PCDH15: variants seen among roughly 807,000 people sequenced by gnomAD.
PCDH15 encodes the protein protocadherin-15.
PCDH15 carries 129 observed loss-of-function variants against 178.5 expected under a neutral mutation model. The observed-to-expected ratio is 0.72, with a 90% CI of 0.63 to 0.84. The LOEUF is 0.84. Ranked by LOEUF, PCDH15 falls within the 40% of genes least tolerant of loss-of-function variation. The pLI is 0.00. For missense variants in PCDH15, 2,230 were observed against 2,099.9 expected, an observed-to-expected ratio of 1.06 and a Z score of -1.21; for synonymous variants, 800 against 732.0, an observed-to-expected ratio of 1.09 and a Z score of -1.50.
intron 2 of PCDH15, among the ~76,000 whole-genome samples, chr10:55,041,340 T>G (rs752987593): frequency 3.5e-4 from 54 of 152,262 alleles, no homozygotes; most frequent in Middle Eastern, 3.4e-3. Context: ...TCTACATCCT[T>G]TAAGGAAATT....
chr10:54,309,887 C>T lies in PCDH15; in HGVS notation c.876+7384G>A, dbSNP rs374966580. Among the ~76,000 whole-genome samples, 72 of 151,796 alleles carry T rather than the reference C, an allele frequency of 4.7e-4. 4 individuals carry two copies. The South Asian group carries it at 0.015, about 31-fold the overall frequency. ...ACAAAGAAGTTTAAAGAATTCATAG[C>T]GTAGTGAAAGAAAAACATTCATAGT... On this transcript the variant is annotated intron_variant, in intron 8 of 37. Transcript: ENST00000644397.
At chr10:53,907,286 TC>T (rs1400862012) in intron 25 of PCDH15, 1 of 152,110 alleles carries the variant, frequency 6.6e-6, no homozygotes, top group Non-Finnish European at 1.5e-5. Context: ...AAACTTTTTT[TC>T]CATGTTGTAT....
intron 13 of PCDH15, among the ~76,000 whole-genome samples, chr10:54,182,516 T>TGTGC (rs977240125): frequency 2.6e-5 from 4 of 151,710 alleles, no homozygotes; most frequent in Admixed American, 2.6e-4. Flanking sequence ...AGTGTGTGTG[T>TGTGC]GTGTGTGTGT....
At chr10:55,020,451 A>G (rs978618803) in intron 2 of PCDH15, among the ~76,000 whole-genome samples, 3 of 152,038 alleles carry the variant, frequency 2.0e-5, no homozygotes, top group Admixed American at 6.6e-5. Flanking sequence ...CTTTGAAAGC[A>G]TTGGTTAGAT....
chr10:55,368,275 G>A (rs1023753245), intron 2 of PCDH15, among the ~76,000 whole-genome samples: 1 of 151,978 alleles, frequency 6.6e-6, no homozygotes, highest in Non-Finnish European at 1.5e-5. Context: ...ATTTTATATT[G>A]TTTATAAATA....
At chr10:54,105,266 A>T (rs2094891810) in intron 15 of PCDH15, among the ~76,000 whole-genome samples, 1 of 129,792 alleles carries the variant, frequency 7.7e-6, no homozygotes, top group Non-Finnish European at 1.6e-5. Flanking sequence ...AGATATAGAC[A>T]TATAGATGGA....
chr10:54,735,375 C>G (rs577441153), intron 1 of PCDH15, among the ~76,000 whole-genome samples: 1 of 152,076 alleles, frequency 6.6e-6, no homozygotes, highest in East Asian at 1.9e-4. Context: ...CTCTGATGGC[C>G]AGTGATGATG....
intron 1 of PCDH15, among the ~76,000 whole-genome samples, chr10:55,245,019 A>G (rs557958065): frequency 6.6e-6 from 1 of 152,020 alleles, no homozygotes; most frequent in East Asian, 1.9e-4. Context: ...AACCATTGCT[A>G]TCTTTGAAAT....
chr10:54,121,017 C>G (rs1344251706), intron 15 of PCDH15, among the ~76,000 whole-genome samples: 1 of 151,618 alleles, frequency 6.6e-6, no homozygotes, highest in Non-Finnish European at 1.5e-5. Context: ...GGAATATACT[C>G]CAAGATTTAC....
At chr10:54,502,855 G>T (rs1413409069) in intron 3 of PCDH15, among the ~76,000 whole-genome samples, 1 of 151,908 alleles carries the variant, frequency 6.6e-6, no homozygotes, top group Non-Finnish European at 1.5e-5. Context: ...CAGAAAATTA[G>T]CTTTATGAGA....
intron 21 of PCDH15, among the ~76,000 whole-genome samples, chr10:53,968,278 C>G (rs1203498313): frequency 6.6e-6 from 1 of 152,174 alleles, no homozygotes; most frequent in Non-Finnish European, 1.5e-5. Flanking sequence ...TGAGATCGAA[C>G]TGCAAGGCAG....
intron 1 of PCDH15, among the ~76,000 whole-genome samples, chr10:54,753,530 T>C (rs1257157010): frequency 1.3e-5 from 2 of 152,070 alleles, no homozygotes; most frequent in East Asian, 3.9e-4. Flanking sequence ...AAAACTTAAA[T>C]TACATTCTCA....
At chr10:55,253,229 C>T (rs940354296) in intron 1 of PCDH15, among the ~76,000 whole-genome samples, 9 of 125,558 alleles carry the variant, frequency 7.2e-5, no homozygotes, top group Non-Finnish European at 1.1e-4. Flanking sequence ...AGAGTATGTG[C>T]GTGTGTGTGT....
intron 2 of PCDH15, among the ~76,000 whole-genome samples, chr10:55,076,810 C>G (rs957169967): frequency 5.3e-5 from 7 of 132,338 alleles, no homozygotes; most frequent in African/African-American, 2.1e-4. Context: ...TGCTCTGTTG[C>G]CCAGGCTGGA....
intron 2 of PCDH15, among the ~76,000 whole-genome samples, chr10:55,430,189 G>C (rs903784789): frequency 6.6e-6 from 1 of 152,134 alleles, no homozygotes; most frequent in Non-Finnish European, 1.5e-5. Flanking sequence ...TACTCAGGAG[G>C]CACATGTGGG....
chr10:54,964,303 T>C (rs1334899175), intron 2 of PCDH15, among the ~76,000 whole-genome samples: 8 of 152,296 alleles, frequency 5.3e-5, no homozygotes, highest in Admixed American at 2.6e-4. Context: ...GGACTAAACA[T>C]TGCCAGAAGA....
chr10:55,309,554 T>C (rs1478428913), intron 1 of PCDH15, among the ~76,000 whole-genome samples: 1 of 152,124 alleles, frequency 6.6e-6, no homozygotes, highest in Non-Finnish European at 1.5e-5. Flanking sequence ...GATACTTTCT[T>C]TGACATTGTG....
intron 25 of PCDH15, among the ~76,000 whole-genome samples, chr10:53,917,566 G>A (rs866942304): frequency 3.9e-5 from 6 of 152,094 alleles, no homozygotes; most frequent in African/African-American, 1.4e-4. Context: ...ATTGTCACAT[G>A]GGCAGTTTTG....
intron 20 of PCDH15, among the ~76,000 whole-genome samples, chr10:54,008,092 G>A (rs951157619): frequency 2.6e-5 from 4 of 152,124 alleles, no homozygotes; most frequent in African/African-American, 9.7e-5. Flanking sequence ...TATCAGAAAA[G>A]AGGAAAGCAA....
Sources: allele counts gnomAD v4.1 joint callset (sites outside exome capture counted in the v4.1 genomes callset), GRCh38; gene constraint gnomAD v4.1.1; transcripts MANE v1.5; gene names NCBI Gene and HGNC (gene_info 2026-07-23, HGNC 2026-07-21).